The following NTM variants were observed in gnomAD, a reference collection of about 807,000 sequenced individuals.
NTM encodes the protein IgLON family member 2.
In NTM, 13 loss-of-function variants were observed where a neutral mutation model predicts 42.1. The ratio of observed to expected loss-of-function variants is 0.31; its 90% CI spans 0.20 to 0.49. The LOEUF is 0.49. Ranked by LOEUF, NTM falls within the 20% of genes least tolerant of loss-of-function variation. The pLI is 0.99. For missense variants in NTM, 373 were observed against 452.8 expected, an observed-to-expected ratio of 0.82 and a Z score of 1.60; for synonymous variants, 187 against 179.2, an observed-to-expected ratio of 1.04 and a Z score of -0.35.
At chr11:131,778,239 T>C (rs2087417399) in intron 1 of NTM, among the ~76,000 whole-genome samples, 1 of 152,240 alleles carries the variant, frequency 6.6e-6, no homozygotes, top group East Asian at 1.9e-4. Context: ...AGTTGGTGAC[T>C]GGTTTTCCAA....
intron 1 of NTM, among the ~76,000 whole-genome samples, chr11:131,524,295 C>G (rs534927804): frequency 1.3e-5 from 2 of 152,322 alleles, no homozygotes; most frequent in African/African-American, 4.8e-5. Context: ...GAATGCTGGG[C>G]CTTCAGTGGC....
At chr11:131,579,520 C>T (rs573988161) in intron 1 of NTM, among the ~76,000 whole-genome samples, 7 of 152,230 alleles carry the variant, frequency 4.6e-5, no homozygotes, top group East Asian at 1.9e-4. Flanking sequence ...ATTACAGGAC[C>T]CCATAATATG....
chr11:132,024,083 G>T (rs2135559438), intron 2 of NTM, among the ~76,000 whole-genome samples: 1 of 152,090 alleles, frequency 6.6e-6, no homozygotes, highest in South Asian at 2.1e-4. Context: ...CTCCCCAAGT[G>T]CTGGGATTAC....
intron 4 of NTM, among the ~76,000 whole-genome samples, chr11:132,304,349 G>T (rs929819004): frequency 8.6e-5 from 13 of 151,582 alleles, no homozygotes; most frequent in Admixed American, 3.3e-4. Flanking sequence ...CAAGTGGTTT[G>T]CCTCTTCCCC....
chr11:131,821,835 G>T (rs574378696), intron 1 of NTM, among the ~76,000 whole-genome samples: 4 of 152,286 alleles, frequency 2.6e-5, no homozygotes, highest in Admixed American at 1.3e-4. Flanking sequence ...TGATAGTTTA[G>T]AAAGGAAGCT....
At chr11:131,688,685 G>A (rs376136367) in intron 1 of NTM, among the ~76,000 whole-genome samples, 2 of 152,346 alleles carry the variant, frequency 1.3e-5, no homozygotes, top group South Asian at 4.1e-4. Context: ...TCATGCTGTG[G>A]GTTGAGCTTG....
intron 1 of NTM, among the ~76,000 whole-genome samples, chr11:131,886,865 A>G (rs10791182): frequency 0.44 from 67,063 of 152,140 alleles, 15,440 homozygotes; most frequent in East Asian, 0.62. Flanking sequence ...CTGGGATGAT[A>G]CTAAGACCTC....
At chr11:132,293,405 G>A (rs956675094) in intron 4 of NTM, among the ~76,000 whole-genome samples, 2 of 152,188 alleles carry the variant, frequency 1.3e-5, no homozygotes, top group Non-Finnish European at 2.9e-5. Context: ...GAGTATGAGA[G>A]TGAGGTGGAG....
intron 1 of NTM, among the ~76,000 whole-genome samples, chr11:131,724,543 G>A (rs927609423): frequency 3.9e-5 from 6 of 152,132 alleles, no homozygotes; most frequent in Admixed American, 2.0e-4. Context: ...CCAGAACCCT[G>A]TTGAAAGTTA....
At chr11:132,257,610 C>CACT (rs773361092) in intron 4 of NTM, among the ~76,000 whole-genome samples, 6 of 152,192 alleles carry the variant, frequency 3.9e-5, no homozygotes, top group Non-Finnish European at 8.8e-5. Flanking sequence ...ACCAAACCCT[C>CACT]ACTACACACC....
intron 1 of NTM, among the ~76,000 whole-genome samples, chr11:131,778,900 C>A (rs972414262): frequency 3.9e-5 from 6 of 152,216 alleles, no homozygotes; most frequent in African/African-American, 1.2e-4. Context: ...GCTCCCTGGG[C>A]TAGGTTATGC....
At chr11:132,143,906 G>A (rs1341147159) in intron 2 of NTM, among the ~76,000 whole-genome samples, 3 of 152,266 alleles carry the variant, frequency 2.0e-5, no homozygotes, top group South Asian at 4.1e-4. Context: ...ACCCTCTATC[G>A]ACTGTAGTTT....
At chr11:132,317,997 G>A (rs1015062337) in intron 7 of NTM, among the ~76,000 whole-genome samples, 1 of 152,214 alleles carries the variant, frequency 6.6e-6, no homozygotes, top group African/African-American at 2.4e-5. Flanking sequence ...GGACCCATAG[G>A]AAGACTACTT....
At chr11:131,741,939 C>T (rs904790883) in intron 1 of NTM, among the ~76,000 whole-genome samples, 5 of 152,080 alleles carry the variant, frequency 3.3e-5, no homozygotes, top group African/African-American at 9.7e-5. Flanking sequence ...ATCAATGGAG[C>T]TGGAGGCCAT....
At chr11:132,329,206 C>A (rs532435756) in intron 7 of NTM, among the ~76,000 whole-genome samples, 1 of 152,248 alleles carries the variant, frequency 6.6e-6, no homozygotes, top group South Asian at 2.1e-4. Context: ...ACACAGACTC[C>A]CAAGGCATCA....
intron 1 of NTM, among the ~76,000 whole-genome samples, chr11:131,807,231 C>A (rs539099347): frequency 6.6e-6 from 1 of 152,262 alleles, no homozygotes; most frequent in South Asian, 2.1e-4. Flanking sequence ...AGGAATACCA[C>A]GCTTGGGAAT....
chr11:132,167,928 C>T (rs183632540), intron 3 of NTM, among the ~76,000 whole-genome samples: 5 of 152,130 alleles, frequency 3.3e-5, no homozygotes, highest in African/African-American at 9.7e-5. Flanking sequence ...GAATCACTTC[C>T]GATGAAAAAC....
chr11:131,847,486 C>A (rs1024116501), intron 1 of NTM, among the ~76,000 whole-genome samples: 2 of 152,050 alleles, frequency 1.3e-5, no homozygotes, highest in Non-Finnish European at 2.9e-5. Context: ...GACCTGTAGG[C>A]TGTGGCCAAC....
At chr11:131,430,073 G>A (rs1253989706) in intron 1 of NTM, among the ~76,000 whole-genome samples, 1 of 152,130 alleles carries the variant, frequency 6.6e-6, no homozygotes, top group African/African-American at 2.4e-5. Context: ...ACCTATTTGT[G>A]GAGTGCCTGT....
Sources: gnomAD v4.1 joint callset for allele counts (sites outside exome capture counted in the v4.1 genomes callset) on GRCh38, gnomAD v4.1.1 for gene constraint, MANE v1.5 for transcripts, NCBI Gene and HGNC (gene_info 2026-07-23, HGNC 2026-07-21) for gene names.